The following FMN2 variants were observed in gnomAD, a reference collection of about 807,000 sequenced individuals.
FMN2 encodes formin 2.
A neutral mutation model predicts 142.3 loss-of-function variants in FMN2; 51 were observed. The observed-to-expected ratio is 0.36, with a 90% confidence interval of 0.29 to 0.45. The LOEUF (loss-of-function observed/expected upper bound fraction) is 0.45. Among genes scored for constraint, FMN2 ranks in the 20% least tolerant of loss-of-function variants. The pLI is 1.00. For missense variants in FMN2, 1,936 were observed against 2,122.8 expected, an observed-to-expected ratio of 0.91 and a Z score of 1.73; for synonymous variants, 882 against 869.8, an observed-to-expected ratio of 1.01 and a Z score of -0.25.
chr1:240,159,961 G>GTGTATATA (rs1553334639), intron 2 of FMN2, among the ~76,000 whole-genome samples: 11 of 127,686 alleles, frequency 8.6e-5, no homozygotes, highest in Admixed American at 3.9e-4. Flanking sequence ...CTATATCTGT[G>GTGTATATA]TATATATATA....
chr1:240,438,358 C>T (rs1675476398), intron 16 of FMN2, 148 bp downstream of exon 16: 1 of 776,000 alleles, frequency 1.3e-6, no homozygotes. Flanking sequence ...TGACATTTGG[C>T]AAAATTTGGA....
At chr1:240,126,903 G>A (rs537452319) in intron 2 of FMN2, among the ~76,000 whole-genome samples, 2 of 152,252 alleles carry the variant, frequency 1.3e-5, no homozygotes, top group African/African-American at 4.8e-5. Flanking sequence ...AGGACCAACA[G>A]GATGGAGTGA....
intron 15 of FMN2, among the ~76,000 whole-genome samples, chr1:240,412,044 C>G (rs746116090): frequency 2.0e-5 from 3 of 152,086 alleles, no homozygotes; most frequent in Admixed American, 6.6e-5. Context: ...GATCAGCGGC[C>G]TAAGACCGAA....
chr1:240,141,709 A>C (rs1663191633), intron 2 of FMN2, among the ~76,000 whole-genome samples: 1 of 152,142 alleles, frequency 6.6e-6, no homozygotes, highest in African/African-American at 2.4e-5. Flanking sequence ...AACTTTGAAA[A>C]CAAGAATTTT....
chr1:240,420,356 G>T (rs1011744217), intron 15 of FMN2, among the ~76,000 whole-genome samples: 2 of 151,994 alleles, frequency 1.3e-5, no homozygotes, highest in Non-Finnish European at 2.9e-5. Context: ...CTTTAAATTG[G>T]CTATCACTCA....
chr1:240,338,169 T>A (rs2103025405), intron 13 of FMN2, among the ~76,000 whole-genome samples: 1 of 152,310 alleles, frequency 6.6e-6, no homozygotes, highest in Admixed American at 6.5e-5. Context: ...TTCCTCCCTG[T>A]ACTCACACAC....
chr1:240,440,737 G>C (rs1301406342), intron 16 of FMN2, among the ~76,000 whole-genome samples: 2 of 152,132 alleles, frequency 1.3e-5, no homozygotes, highest in Non-Finnish European at 2.9e-5. Context: ...TACCCTCTTG[G>C]CAATTGATAA....
rs115277801 is a variant in FMN2 at position 240,159,272 on chromosome 1, G to T, written c.1783-18649G>T. On this transcript the variant is annotated intron_variant, in intron 2 of 17. Coordinates refer to ENST00000319653, the MANE Select transcript of FMN2 (RefSeq NM_020066.5). Reference sequence around the variant, plus strand: ...GATACGCTGGGGTTTAAAGTGAGCTGCTTTAGCCTCATTAGAAATAAAAGG... The same window carrying T: ...GATACGCTGGGGTTTAAAGTGAGCTTCTTTAGCCTCATTAGAAATAAAAGG... Among the ~76,000 whole-genome samples, 515 of 152,082 alleles carry T rather than the reference G, an allele frequency of 3.4e-3. 1 individual carries two copies. The highest frequency in any genetic ancestry group is 4.4e-3 in the Non-Finnish European group (296 of 67,996).
chr1:240,357,216 T>A (rs1672300551), intron 14 of FMN2, among the ~76,000 whole-genome samples: 1 of 152,186 alleles, frequency 6.6e-6, no homozygotes, highest in South Asian at 2.1e-4. Flanking sequence ...GAATCCTTAA[T>A]CCTAGGAGGA....
chr1:240,126,425 C>T (rs920543117), intron 2 of FMN2, among the ~76,000 whole-genome samples: 3 of 151,170 alleles, frequency 2.0e-5, no homozygotes, highest in African/African-American at 4.9e-5. Flanking sequence ...TTATCCTCTC[C>T]GTTCTCATCT....
At position 240,123,505 on chromosome 1, in the gene FMN2, CAAA is replaced by C. The variant is rs71168901; in HGVS notation, c.1782+175_1782+177del. 5.6e-5 allele frequency among the ~76,000 whole-genome samples: 6 copies of C among 107,770 alleles called. No homozygotes were observed. In the East Asian group the frequency reaches 9.6e-4, roughly 17 times the overall value. 70.7% of individuals were successfully genotyped at this position (107,770 alleles called of 152,430 possible). On this transcript the variant is annotated intron_variant, in intron 2 of 17. Transcript: ENST00000319653. ...ACAGCTCGGTATGTCTGTTTGTACA[CAAA>C]AAAAAAAAAAAAAAGAAAGAAAAAA... is the stretch of plus-strand genomic sequence containing the variant.
At chr1:240,108,851 C>CA (rs1378808773) in intron 1 of FMN2, among the ~76,000 whole-genome samples, 1 of 152,146 alleles carries the variant, frequency 6.6e-6, no homozygotes, top group Non-Finnish European at 1.5e-5. Flanking sequence ...GCCTGGCCAA[C>CA]ATGGTGAAAC....
intron 6 of FMN2, among the ~76,000 whole-genome samples, chr1:240,216,806 G>A (rs12727540): frequency 0.35 from 52,635 of 151,926 alleles, 9,625 homozygotes; most frequent in South Asian, 0.41. Context: ...AAAATTAGCC[G>A]GGAGTAGTGG....
At chr1:240,205,891 C>A (rs1211289207) in intron 4 of FMN2, among the ~76,000 whole-genome samples, 3 of 120,578 alleles carry the variant, frequency 2.5e-5, no homozygotes, top group East Asian at 2.4e-4. Context: ...TATCAGCCAT[C>A]TTTTTTTTTT....
intron 12 of FMN2, 61 bp from the exon 13 acceptor site, chr1:240,334,045 CTAT>C (rs1368172676): frequency 1.1e-5 from 17 of 1,568,332 alleles, no homozygotes; most frequent in Non-Finnish European, 1.4e-5. Context: ...GACATACCTG[CTAT>C]TATTCTTTTT....
Position 240,329,113 on chromosome 1 carries a change from A to T in FMN2, c.4253A>T (p.His1418Leu). Reference protein sequence around the residue: ...QSDELEKIEKHGRSSKDKENA... With the variant: ...QSDELEKIEKLGRSSKDKENA... ...GACGAACTCGAAAAAATAGAAAAGC[A>T]TGGCCGATCTTCCAAAGACAAGGAA... is the stretch of plus-strand genomic sequence containing the variant. Residue 1418 changes from histidine (H) to leucine (L), a missense_variant, in exon 9 of 18, where the codon CAT becomes CTT. By Grantham distance (99) the His-to-Leu change is moderately conservative. Transcript: ENST00000319653. 6.2e-7 allele frequency: 1 copy of T among 1,614,166 alleles called. No homozygotes were observed. Among genetic ancestry groups the T allele is most frequent in the Non-Finnish European group, 8.5e-7 (1 of 1,180,000 alleles).
Position 240,328,456 on chromosome 1 carries a change from G to A in FMN2, c.4216-620G>A, listed in dbSNP as rs955286187. Among the ~76,000 whole-genome samples, 36 of 151,958 alleles carry A rather than the reference G, an allele frequency of 2.4e-4. No homozygotes were observed. The East Asian group carries it at 5.8e-3, about 24-fold the overall frequency. On this transcript the variant is annotated intron_variant, in intron 8 of 17. Transcript: ENST00000319653. ...AACAAAGGAAAACTATTGTTTTAAA[G>A]CATGCTTGAATGAATAAACATTTCT...
At chr1:240,219,244 A>C (rs1667016011) in intron 6 of FMN2, among the ~76,000 whole-genome samples, 1 of 152,152 alleles carries the variant, frequency 6.6e-6, no homozygotes, top group South Asian at 2.1e-4. Context: ...GTGAGGACTG[A>C]ATTTAGATTA....
At chr1:240,417,346 G>T (rs1373349712) in intron 15 of FMN2, among the ~76,000 whole-genome samples, 2 of 151,576 alleles carry the variant, frequency 1.3e-5, no homozygotes, top group African/African-American at 2.4e-5. Flanking sequence ...CTTCCAGAGA[G>T]GATTTGGATT....
Sources: allele counts gnomAD v4.1 joint callset (sites outside exome capture counted in the v4.1 genomes callset), GRCh38; gene constraint gnomAD v4.1.1; transcripts MANE v1.5; gene names NCBI Gene and HGNC (gene_info 2026-07-23, HGNC 2026-07-21).